Variants in HHAT observed in about 807,000 individuals in gnomAD.
HHAT encodes hedgehog acyltransferase, also known as protein-cysteine N-palmitoyltransferase HHAT.
In HHAT, 47 loss-of-function variants were observed where a neutral mutation model predicts 70.8. That is an observed-to-expected ratio of 0.66 (90% confidence interval 0.53 to 0.85). The LOEUF (loss-of-function observed/expected upper bound fraction) is 0.85, where lower values mean the gene tolerates loss of function less well. Ranked by LOEUF, HHAT falls within the 40% of genes least tolerant of loss-of-function variation. The probability of loss-of-function intolerance (pLI) is 0.00; values close to 1 mark genes in which losing one functional copy is unlikely to be tolerated. For missense variants in HHAT, 609 were observed against 604.8 expected (o/e 1.01, Z -0.07); for synonymous variants, 228 against 247.6 (o/e 0.92, Z 0.74).
intron 9 of HHAT, among the ~76,000 whole-genome samples, chr1:210,546,398 T>A (rs1374723881): frequency 6.6e-6 from 1 of 152,158 alleles, no homozygotes; most frequent in Non-Finnish European, 1.5e-5. Flanking sequence ...GGTTGGCATG[T>A]GATTCCACCA....
At chr1:210,636,329 A>G (rs916100637) in intron 11 of HHAT, among the ~76,000 whole-genome samples, 2 of 152,166 alleles carry the variant, frequency 1.3e-5, no homozygotes, top group African/African-American at 4.8e-5. Context: ...GGTGGGAACT[A>G]GGTTTACTTC....
chr1:210,653,491 C>T (rs1221719214), intron 11 of HHAT, among the ~76,000 whole-genome samples: 1 of 148,650 alleles, frequency 6.7e-6, no homozygotes, highest in Non-Finnish European at 1.5e-5. Context: ...GATCGCACCA[C>T]TGCATTCCAG....
intron 10 of HHAT, among the ~76,000 whole-genome samples, chr1:210,590,895 A>C (rs1447972638): frequency 4.6e-5 from 7 of 152,092 alleles, no homozygotes; most frequent in Non-Finnish European, 8.8e-5. Context: ...AATAACAAAA[A>C]TTATTTTTTC....
rs748597698 is a variant in HHAT at position 210,587,894 on chromosome 1, C to A, written c.1044-4C>A. 1.2e-6 allele frequency: 2 copies of A among 1,612,062 alleles called. No homozygotes were observed. The highest frequency in any genetic ancestry group is 2.2e-5 in the South Asian group (2 of 91,016). On this transcript the variant is annotated splice_region_variant and splice_polypyrimidine_tract_variant and intron_variant, in intron 9 of 11. Transcript: ENST00000261458. ...TGTCTCCTAACAGCCTCTTCTTTCT[C>A]TAGGTATGTGTACATTCCAGTGGGC...
At position 210,362,195 on chromosome 1, in the gene HHAT, C is replaced by G. The variant is rs1237484848; in HGVS notation, c.92-657C>G. Among the ~76,000 whole-genome samples the G allele has an allele frequency of 3.3e-5, 5 of 151,732 alleles. No homozygotes were observed. In the East Asian group the frequency reaches 7.7e-4, roughly 23 times the overall value. On this transcript the variant is annotated intron_variant, in intron 2 of 11. Transcript: ENST00000261458. ...TTGTTAGCATTATATCATAGCGGAT[C>G]CAATCACCATAGTTTTGTGGCATAG... is the stretch of plus-strand genomic sequence containing the variant.
chr1:210,450,300 G>C (rs956320001), intron 7 of HHAT, among the ~76,000 whole-genome samples: 1 of 150,498 alleles, frequency 6.6e-6, no homozygotes, highest in African/African-American at 2.4e-5. Context: ...CAGGTGGGGG[G>C]GGTGGGAAAC....
intron 6 of HHAT, among the ~76,000 whole-genome samples, chr1:210,410,628 G>C (rs924376655): frequency 6.7e-6 from 1 of 149,174 alleles, no homozygotes; most frequent in African/African-American, 2.5e-5. Flanking sequence ...CCAGGTTCAA[G>C]CGATTCTCCT....
intron 9 of HHAT, among the ~76,000 whole-genome samples, chr1:210,586,316 T>C (rs1573527841): frequency 6.6e-6 from 1 of 152,124 alleles, no homozygotes; most frequent in East Asian, 1.9e-4. Context: ...GGTGCATGCC[T>C]GTAGTCCCAG....
At chr1:210,378,038 A>T (rs917343782) in intron 3 of HHAT, among the ~76,000 whole-genome samples, 1 of 152,248 alleles carries the variant, frequency 6.6e-6, no homozygotes, top group African/African-American at 2.4e-5. Flanking sequence ...TTTAGTTCAA[A>T]TTCTTTTAGA....
chr1:210,466,156 T>C (rs184648776), intron 8 of HHAT, among the ~76,000 whole-genome samples: 10 of 148,104 alleles, frequency 6.8e-5, no homozygotes, highest in Admixed American at 2.0e-4. Context: ...CGCAAGGAAT[T>C]GCAAGGAATT....
intron 8 of HHAT, among the ~76,000 whole-genome samples, chr1:210,512,407 G>A (rs941378163): frequency 2.6e-5 from 4 of 152,108 alleles, no homozygotes; most frequent in African/African-American, 9.7e-5. Flanking sequence ...GAGTGCGGTG[G>A]CTCACACCTG....
chr1:210,536,494 A>G (rs1461554552), intron 9 of HHAT, among the ~76,000 whole-genome samples: 1 of 152,214 alleles, frequency 6.6e-6, no homozygotes, highest in Non-Finnish European at 1.5e-5. Flanking sequence ...TTGTGGACTG[A>G]AGACTTTACA....
chr1:210,510,162 T>C (rs1367080483), intron 8 of HHAT, among the ~76,000 whole-genome samples: 1 of 152,194 alleles, frequency 6.6e-6, no homozygotes, highest in Non-Finnish European at 1.5e-5. Flanking sequence ...GGTGGTGTGC[T>C]AAAGCTTAGT....
At chr1:210,452,766 A>C (rs2093780444) in intron 7 of HHAT, among the ~76,000 whole-genome samples, 2 of 152,134 alleles carry the variant, frequency 1.3e-5, no homozygotes, top group African/African-American at 4.8e-5. Flanking sequence ...TCTATGGTAA[A>C]TCCATGGTAA....
intron 1 of HHAT, among the ~76,000 whole-genome samples, chr1:210,337,424 A>AC (rs1241324784): frequency 6.6e-6 from 1 of 152,214 alleles, no homozygotes; most frequent in African/African-American, 2.4e-5. Context: ...GGCTTCAAAA[A>AC]ACACACATTT....
chr1:210,350,966 G>A (rs2086965811), intron 2 of HHAT, among the ~76,000 whole-genome samples: 1 of 152,160 alleles, frequency 6.6e-6, no homozygotes, highest in South Asian at 2.1e-4. Context: ...ATGAATGACT[G>A]TATTAGTTAG....
chr1:210,336,747 C>T (rs554504434), intron 1 of HHAT, among the ~76,000 whole-genome samples: 53 of 152,082 alleles, frequency 3.5e-4, no homozygotes, highest in African/African-American at 1.2e-3. Context: ...TCATGCCATG[C>T]ACTGTAGTCT....
chr1:210,381,094 G>A lies in HHAT; in HGVS notation c.160-6374G>A, dbSNP rs182185932. ...TAGAAGTGAGTAGAGCACAGTCTGC[G>A]GAATTGAAGTAGGTCTAGCATATAG... On this transcript the variant is annotated intron_variant, in intron 3 of 11. Transcript: ENST00000261458. Among the ~76,000 whole-genome samples the A allele has an allele frequency of 3.5e-4, 53 of 152,084 alleles. 1 individual carries two copies. Among genetic ancestry groups the A allele is most frequent in the Admixed American group, 3.1e-3 (47 of 15,268 alleles).
In HHAT at chr1:210,424,053, T is replaced by C. The variant is rs117100971; in HGVS notation, c.856+5728T>C. Among the ~76,000 whole-genome samples, 20 of 152,316 alleles carry C rather than the reference T, an allele frequency of 1.3e-4. No homozygotes were observed. The East Asian group carries it at 3.7e-3, about 28-fold the overall frequency. ...TTGTGGTTCCACACAATTTTTAGGT[T>C]TTTTTCTTCTATTTCTGTGAAGAAT... On this transcript the variant is annotated intron_variant, in intron 7 of 11. Coordinates refer to ENST00000261458, the MANE Select transcript of HHAT (RefSeq NM_018194.6).
Sources: allele counts gnomAD v4.1 joint callset (sites outside exome capture counted in the v4.1 genomes callset), GRCh38; gene constraint gnomAD v4.1.1; transcripts MANE v1.5; gene names NCBI Gene and HGNC (gene_info 2026-07-23, HGNC 2026-07-21).